Variants in TAL1 observed in about 807,000 individuals in gnomAD.
The protein encoded by TAL1 is TAL bHLH transcription factor 1, erythroid differentiation factor, also known as T-cell acute lymphocytic leukemia protein 1.
A neutral mutation model predicts 17.9 loss-of-function variants in TAL1; 8 were observed. The ratio of observed to expected loss-of-function variants is 0.45; its 90% CI spans 0.26 to 0.81. The LOEUF is 0.81. Ranked by LOEUF, TAL1 falls within the 30% of genes least tolerant of loss-of-function variation. TAL1 has a pLI of 0.17. For synonymous variants in TAL1, 223 were observed against 218.6 expected (o/e 1.02, Z -0.18); for missense variants, 466 against 486.9 (o/e 0.96, Z 0.40).
rs893588484 is a variant in TAL1, at chr1:47,225,693, C to A, written c.196G>T (p.Gly66Cys). ...AAGTCTCTCGCGGCGCCGCCCCCAC[C>A]GGCAGGGCCGCCCCCCGGGCCTCCG... Residue 66 changes from glycine to cysteine, a missense_variant, in exon 2 of 4, where the codon GGT (glycine) becomes TGT (cysteine). By Grantham distance (159) the Gly-to-Cys change is radical. Coordinates refer to ENST00000294339, the Ensembl canonical transcript of TAL1. 11 of 1,433,136 alleles carry A rather than the reference C, an allele frequency of 7.7e-6. No individual in the cohort carries two copies. In the African/African-American group the frequency reaches 1.4e-4, roughly 18 times the overall value. 88.8% of individuals were successfully genotyped at this position (1,433,136 alleles called of 1,614,324 possible). A position where few individuals can be genotyped will look rare whatever the true frequency, so the allele number is the denominator to read the frequency against.
chr1:47,225,700 G>C, exon 2 of TAL1: 2 of 1,441,762 alleles, frequency 1.4e-6, no homozygotes, highest in Non-Finnish European at 1.8e-6. Context: ...CACCGGCAGG[G>C]CCGCCCCCCG....
chr1:47,225,843 G>C (rs1363035722), exon 2 of TAL1: 1 of 1,586,792 alleles, frequency 6.3e-7, no homozygotes, highest in Admixed American at 1.7e-5. Context: ...CGTCCCTCTA[G>C]CTGGGGGTCA....
chr1:47,225,242 G>A (rs900189715), intron 2 of TAL1, among the ~76,000 whole-genome samples: 5 of 152,182 alleles, frequency 3.3e-5, no homozygotes, highest in Non-Finnish European at 5.9e-5. Context: ...TCTCACAGAA[G>A]GCCCCTCCCT....
Position 47,225,569 on chromosome 1 carries a change from G to T in TAL1, c.320C>A (p.Ser107Ter). The T allele has an allele frequency of 7.8e-7, 1 of 1,281,116 alleles. No homozygotes were observed. The highest frequency in any genetic ancestry group is 9.8e-7 in the Non-Finnish European group (1 of 1,020,958). The allele number at this position is 1,281,116 out of a possible 1,614,324, so 79.4% of individuals were successfully genotyped here. ...GTCGCCGGGCAGCTCCGCTGTAACCGAGGCGGGCGCGGGGGCCGGGGCGGG... is the reference window on the plus strand; with the variant it reads ...GTCGCCGGGCAGCTCCGCTGTAACCTAGGCGGGCGCGGGGGCCGGGGCGGG... Residue 107 changes from serine to a stop codon, truncating the protein, a stop_gained, in exon 2 of 4, where the codon TCG becomes TAG. Transcript: ENST00000294339. LOFTEE classifies it high-confidence loss of function.
chr1:47,232,031 G>A (rs970159874), upstream of TAL1: 1 of 110,076 alleles, frequency 9.1e-6, no homozygotes. Context: ...CGCCCCCCCC[G>A]GCCATCGAAA....
exon 4 of TAL1, chr1:47,218,645 T>C (rs894678706): frequency 4.7e-5 from 11 of 232,836 alleles, no homozygotes; most frequent in East Asian, 1.8e-4. Context: ...CCTGGTCCTA[T>C]TGAGCGCTAA....
exon 4 of TAL1, chr1:47,219,508 C>G: frequency 1.3e-6 from 1 of 784,288 alleles, no homozygotes; most frequent in South Asian, 1.5e-5. Flanking sequence ...GTACCTACCA[C>G]TTTGCTCCAT....
At chr1:47,218,861 T>A (rs920864914) in exon 4 of TAL1, 2 of 244,314 alleles carry the variant, frequency 8.2e-6, no homozygotes, top group African/African-American at 4.4e-5. Flanking sequence ...CACACTGGCA[T>A]TCACTCGCCA....
intron 2 of TAL1, among the ~76,000 whole-genome samples, chr1:47,225,220 A>C (rs888576259): frequency 3.9e-5 from 6 of 152,014 alleles, no homozygotes; most frequent in Non-Finnish European, 7.4e-5. Context: ...CCGCAGCCAC[A>C]CGCACACTCT....
At chr1:47,220,229 A>C in intron 3 of TAL1, 55 bp from the exon 5 acceptor site, 2 of 1,468,206 alleles carry the variant, frequency 1.4e-6, no homozygotes, top group Non-Finnish European at 1.8e-6. Context: ...CCTTCCCCAA[A>C]GGCATCTCCA....
At chr1:47,229,542 C>T (rs1262882748) in exon 1 of TAL1, 3 of 173,452 alleles carry the variant, frequency 1.7e-5, no homozygotes, top group South Asian at 2.0e-4. Context: ...CCTCTACCCC[C>T]TCCTCCCCCC....
chr1:47,219,350 G>A (rs1028235803), exon 4 of TAL1: 6 of 552,900 alleles, frequency 1.1e-5, no homozygotes, highest in African/African-American at 9.2e-5. Flanking sequence ...GAGACTGCTG[G>A]ATGCCTCAGA....
At chr1:47,218,576 G>T (rs1319143077) in exon 4 of TAL1, 1 of 232,850 alleles carries the variant, frequency 4.3e-6, no homozygotes, top group African/African-American at 2.2e-5. Flanking sequence ...ATATGTTTGG[G>T]TCTTAGCCAG....
In TAL1 at chr1:47,216,521, G is replaced by A. The variant is rs746626036; in HGVS notation, c.*3199C>T. 33 of 230,730 alleles carry A rather than the reference G, an allele frequency of 1.4e-4. 1 individual carries two copies. The highest frequency in any genetic ancestry group is 2.5e-3 in the Middle Eastern group (2 of 798). The allele number at this position is 230,730 out of a possible 1,614,324, so 14.3% of individuals were successfully genotyped here. ...AACGTTGACGGAAAGTGCTGGGCCC[G>A]CCCACAGAAACAATGCACTATGTAC... is the stretch of plus-strand genomic sequence containing the variant. On this transcript the variant is annotated 3_prime_UTR_variant, in exon 4 of 4. Coordinates refer to ENST00000294339, the Ensembl canonical transcript of TAL1.
chr1:47,228,101 G>T, intron 1 of TAL1: 1 of 155,388 alleles, frequency 6.4e-6, no homozygotes. Flanking sequence ...AATTGACCCT[G>T]GCCACAAATG....
exon 4 of TAL1, chr1:47,218,742 C>A (rs2148583669): frequency 4.3e-6 from 1 of 233,260 alleles, no homozygotes; most frequent in East Asian, 6.0e-5. Flanking sequence ...GGAACATAGA[C>A]CAGACCATCA....
At chr1:47,231,285 G>A (rs183827422), upstream of TAL1, 542 of 200,878 alleles carry the variant, frequency 2.7e-3, 1 homozygote, top group African/African-American at 0.012. Context: ...GGAATAAAAT[G>A]TGAAATCCCG....
exon 4 of TAL1, chr1:47,219,761 G>A (rs760687547): frequency 9.9e-6 from 16 of 1,611,160 alleles, no homozygotes; most frequent in Admixed American, 5.0e-5. Flanking sequence ...AGCATGGCAG[G>A]ATGGAGGCTG....
chr1:47,219,088 G>A (rs1460448491), exon 4 of TAL1: 2 of 332,414 alleles, frequency 6.0e-6, no homozygotes, highest in East Asian at 4.5e-5. Flanking sequence ...AAGTAAGGGC[G>A]ACTGGGTTTC....
Sources: allele counts gnomAD v4.1 joint callset (sites outside exome capture counted in the v4.1 genomes callset), GRCh38; gene constraint gnomAD v4.1.1; transcripts MANE v1.5; gene names NCBI Gene and HGNC (gene_info 2026-07-23, HGNC 2026-07-21).